TMEM38A: variants seen among roughly 807,000 people sequenced by gnomAD.
TMEM38A encodes trimeric intracellular cation channel type A.
TMEM38A carries 17 observed loss-of-function variants against 28.6 expected under a neutral mutation model. The observed-to-expected ratio is 0.60, with a 90% CI of 0.41 to 0.89. The LOEUF is 0.89. Ranked by LOEUF, TMEM38A falls within the 40% of genes least tolerant of loss-of-function variation. The pLI is 0.00. For synonymous variants in TMEM38A, 169 were observed against 166.1 expected (o/e 1.02, Z -0.14); for missense variants, 328 against 393.1 (o/e 0.83, Z 1.40).
rs369141627 is a variant in TMEM38A at position 16,675,861 on chromosome 19, C to A, written c.125-4123C>A. ...CATTTATAAAGGCTCTAACCCCGTTCGTGAGGGGTCTACCCTGGTGACATA... is the reference window on the plus strand; with the variant it reads ...CATTTATAAAGGCTCTAACCCCGTTAGTGAGGGGTCTACCCTGGTGACATA... On this transcript the variant is annotated intron_variant, in intron 1 of 5. Coordinates refer to ENST00000187762, the MANE Select transcript of TMEM38A (RefSeq NM_024074.4). 2.6e-5 allele frequency among the ~76,000 whole-genome samples: 4 copies of A among 152,084 alleles called. No homozygotes were observed. The South Asian group carries it at 8.3e-4, about 32-fold the overall frequency.
At position 16,688,235 on chromosome 19, in the gene TMEM38A, G is replaced by T. The variant is rs765889392; in HGVS notation, c.764G>T (p.Gly255Val). The T allele has an allele frequency of 7.5e-6, 12 of 1,595,312 alleles. No homozygotes were observed. Among genetic ancestry groups the T allele is most frequent in the South Asian group, 1.1e-5 (1 of 88,660 alleles). Reference sequence around the variant, plus strand: ...GTGCTGTTTGGTTCGGCCTGCGGGGGTGACCATCACCACGACAACCATGGT... The same window carrying T: ...GTGCTGTTTGGTTCGGCCTGCGGGGTTGACCATCACCACGACAACCATGGT... ...CPVLFGSACG[G>V]DHHHDNHGGS... The change falls in exon 6 of 6, where the codon GGT becomes GTT. Residue 255 changes from glycine (G) to valine (V), a missense_variant. Coordinates refer to ENST00000187762, the MANE Select transcript of TMEM38A (RefSeq NM_024074.4).
chr19:16,682,401 A>G lies in TMEM38A; in HGVS notation c.467-20A>G. ...AGACCTGGGGGTGGTGGGCTTGTTC[A>G]GAAGCACCCTGTCCTGTAGGTTCTG... On this transcript the variant is annotated intron_variant, in intron 3 of 5. Coordinates refer to ENST00000187762, the MANE Select transcript of TMEM38A (RefSeq NM_024074.4). The G allele has an allele frequency of 6.2e-7, 1 of 1,612,472 alleles. No homozygotes were observed. The highest frequency in any genetic ancestry group is 8.5e-7 in the Non-Finnish European group (1 of 1,178,706).
At chr19:16,663,943 C>G (rs1020631685) in intron 1 of TMEM38A, among the ~76,000 whole-genome samples, 1 of 152,076 alleles carries the variant, frequency 6.6e-6, no homozygotes, top group African/African-American at 2.4e-5. Context: ...GAGGATACTC[C>G]ACCCAGTTCA....
rs556826454 is a variant in TMEM38A, at chr19:16,685,440, A to G, written c.555-848A>G. 7.9e-5 allele frequency among the ~76,000 whole-genome samples: 12 copies of G among 152,254 alleles called. No homozygotes were observed. The South Asian group carries it at 2.5e-3, about 32-fold the overall frequency. On this transcript the variant is annotated intron_variant, in intron 4 of 5. Transcript: ENST00000187762. ...AATGTGCATGAGGCAGAGTACAGGA[A>G]AGAAAAGGTGAAAATATCCAGTTTT...
chr19:16,676,852 C>T (rs1479709959), intron 1 of TMEM38A, among the ~76,000 whole-genome samples: 1 of 149,316 alleles, frequency 6.7e-6, no homozygotes, highest in African/African-American at 2.5e-5. Context: ...CCTCTGCCTC[C>T]TAGGTTCCAG....
chr19:16,678,279 A>G (rs1275881546), intron 1 of TMEM38A, among the ~76,000 whole-genome samples: 1 of 152,056 alleles, frequency 6.6e-6, no homozygotes. Context: ...AAATACAAAA[A>G]TTAGTTGGGC....
intron 4 of TMEM38A, among the ~76,000 whole-genome samples, chr19:16,684,325 A>C (rs1028276262): frequency 6.6e-6 from 1 of 151,704 alleles, no homozygotes; most frequent in Non-Finnish European, 1.5e-5. Context: ...AAAAAGAAAA[A>C]AAAAATTAGC....
rs1331681482 is a variant in TMEM38A, at chr19:16,661,181, C to T, written c.-37C>T. ...GGCGGCGGGACGGACGAGGCCGGGG[C>T]CCCGGGTGGCACCCGGCAGGCGGGC... is the stretch of plus-strand genomic sequence containing the variant. On this transcript the variant is annotated 5_prime_UTR_variant, in exon 1 of 6. Transcript: ENST00000187762. This position sits in a 1 kb window ranked among gnomAD's most constrained non-coding sequence, Gnocchi z 6.5. 1 of 1,294,780 alleles carries T rather than the reference C, an allele frequency of 7.7e-7. No individual in the cohort carries two copies. Among genetic ancestry groups the T allele is most frequent in the Non-Finnish European group, 9.9e-7 (1 of 1,005,554 alleles). 80.2% of individuals were successfully genotyped at this position (1,294,780 alleles called of 1,614,324 possible).
intron 5 of TMEM38A, among the ~76,000 whole-genome samples, 169 bp from the exon 6 acceptor site, chr19:16,687,975 C>G (rs1021380597): frequency 6.6e-6 from 1 of 152,078 alleles, no homozygotes; most frequent in Non-Finnish European, 1.5e-5. Context: ...AGATGGTCGC[C>G]CATCATCCTG....
At chr19:16,663,387 A>G (rs1254608385) in intron 1 of TMEM38A, among the ~76,000 whole-genome samples, 3 of 152,068 alleles carry the variant, frequency 2.0e-5, no homozygotes, top group African/African-American at 7.2e-5. Context: ...ACTTGCAGGA[A>G]GGTTCAAGAT....
chr19:16,674,804 AAAC>A (rs1480310138), intron 1 of TMEM38A, among the ~76,000 whole-genome samples: 1 of 150,550 alleles, frequency 6.6e-6, no homozygotes, highest in African/African-American at 2.5e-5. Flanking sequence ...CGTCTCAAAC[AAAC>A]AACAACAACA....
At position 16,661,825 on chromosome 19, in the gene TMEM38A, C is replaced by T. The variant is rs918804664; in HGVS notation, c.124+484C>T. 2.0e-4 allele frequency among the ~76,000 whole-genome samples: 30 copies of T among 152,196 alleles called. No individual in the cohort carries two copies. Among genetic ancestry groups the T allele is most frequent in the African/African-American group, 6.7e-4 (28 of 41,536 alleles). Reference sequence around the variant, plus strand: ...AGGTTCAGCGAAAGTGACACCGGTTCTCCTCCCCACTGCAACTGCCCAGCA... The same window carrying T: ...AGGTTCAGCGAAAGTGACACCGGTTTTCCTCCCCACTGCAACTGCCCAGCA... On this transcript the variant is annotated intron_variant, in intron 1 of 5. Coordinates refer to ENST00000187762, the MANE Select transcript of TMEM38A (RefSeq NM_024074.4). This position sits in a 1 kb window ranked among gnomAD's most constrained non-coding sequence, Gnocchi z 6.5.
In TMEM38A at chr19:16,679,993, A is replaced by G; in HGVS notation, c.134A>G (p.Glu45Gly). ...CTCCTGTGCCTCCCAGGAGCAGTCG[A>G]ACTGTCCCGGCGCCACCCCATCGCG... ...LYLKYEPGAV[E>G]LSRRHPIASW... The change falls in exon 2 of 6, where the codon GAA becomes GGA. Residue 45 changes from glutamate (E) to glycine (G), a missense_variant. Glu to Gly is a moderately conservative substitution (Grantham distance 98). Coordinates refer to ENST00000187762, the MANE Select transcript of TMEM38A (RefSeq NM_024074.4). 6.2e-7 allele frequency: 1 copy of G among 1,605,272 alleles called. No homozygotes were observed. The highest frequency in any genetic ancestry group is 8.5e-7 in the Non-Finnish European group (1 of 1,178,990).
intron 4 of TMEM38A, among the ~76,000 whole-genome samples, chr19:16,684,659 A>G (rs2086794288): frequency 6.6e-6 from 1 of 152,220 alleles, no homozygotes; most frequent in Non-Finnish European, 1.5e-5. Context: ...CCCCAAGATC[A>G]TCCTGATGTT....
At chr19:16,677,494 C>G (rs1009793790) in intron 1 of TMEM38A, among the ~76,000 whole-genome samples, 1 of 150,794 alleles carries the variant, frequency 6.6e-6, no homozygotes, top group Non-Finnish European at 1.5e-5. Context: ...GCCACCATGC[C>G]CAGCTAATTA....
At chr19:16,662,888 TTTGTG>T (rs1456438661) in intron 1 of TMEM38A, among the ~76,000 whole-genome samples, 1 of 152,078 alleles carries the variant, frequency 6.6e-6, no homozygotes, top group Non-Finnish European at 1.5e-5. Flanking sequence ...AAAATAGGCT[TTTGTG>T]TTGTCCTAGC....
At chr19:16,681,405 C>T (rs1485568333) in intron 3 of TMEM38A, among the ~76,000 whole-genome samples, 3 of 152,038 alleles carry the variant, frequency 2.0e-5, no homozygotes, top group African/African-American at 4.8e-5. Flanking sequence ...AACATATATG[C>T]ACCTAGAAAC....
At chr19:16,671,771 A>G (rs1325935022) in intron 1 of TMEM38A, among the ~76,000 whole-genome samples, 2 of 152,220 alleles carry the variant, frequency 1.3e-5, no homozygotes, top group African/African-American at 4.8e-5. Flanking sequence ...TACTGCAAAC[A>G]TGGGCATCTG....
intron 1 of TMEM38A, among the ~76,000 whole-genome samples, chr19:16,663,067 G>A (rs562494982): frequency 8.6e-5 from 13 of 151,920 alleles, no homozygotes; most frequent in Admixed American, 8.5e-4. Context: ...GATCGCCTGA[G>A]GTCAGGAGTT....
Sources: allele counts gnomAD v4.1 joint callset (sites outside exome capture counted in the v4.1 genomes callset), GRCh38; gene constraint gnomAD v4.1.1; non-coding constraint Gnocchi (gnomAD v3.1); transcripts MANE v1.5; gene names NCBI Gene and HGNC (gene_info 2026-07-23, HGNC 2026-07-21).